The following SEC24C variants were observed in gnomAD, a reference collection of about 807,000 sequenced individuals.
The protein encoded by SEC24C is protein transport protein Sec24C.
Under a neutral mutation model 117.0 loss-of-function variants are expected in SEC24C, and 22 were observed. The ratio of observed to expected loss-of-function variants is 0.19; its 90% CI spans 0.13 to 0.27. The LOEUF (loss-of-function observed/expected upper bound fraction) is 0.27, where lower values mean the gene tolerates loss of function less well. Among genes scored for constraint, SEC24C ranks in the 10% least tolerant of loss-of-function variants. SEC24C has a pLI of 1.00. For synonymous variants in SEC24C, 506 were observed against 529.4 expected, an observed-to-expected ratio of 0.96 and a Z score of 0.61; for missense variants, 1,155 against 1,375.1, an observed-to-expected ratio of 0.84 and a Z score of 2.53.
At chr10:73,752,932 A>G (rs2082661935) in intron 3 of SEC24C, among the ~76,000 whole-genome samples, 1 of 152,232 alleles carries the variant, frequency 6.6e-6, no homozygotes, top group Non-Finnish European at 1.5e-5. Context: ...ATGAAGAAAT[A>G]GAACTTTGCC....
intron 3 of SEC24C, among the ~76,000 whole-genome samples, chr10:73,759,280 CCTTTCAGTG>C (rs1454534195): frequency 5.9e-5 from 9 of 152,138 alleles, no homozygotes; most frequent in Admixed American, 1.3e-4. Context: ...GCGTGCCTTC[CCTTTCAGTG>C]CTTTCAGGGC....
At chr10:73,749,732 C>T (rs1184313444) in intron 2 of SEC24C, among the ~76,000 whole-genome samples, 2 of 151,964 alleles carry the variant, frequency 1.3e-5, no homozygotes, top group African/African-American at 4.8e-5. Flanking sequence ...TTAGTAGAGA[C>T]AGGGTTTCAC....
At chr10:73,749,878 A>G (rs2082620499) in intron 2 of SEC24C, among the ~76,000 whole-genome samples, 1 of 152,254 alleles carries the variant, frequency 6.6e-6, no homozygotes, top group Non-Finnish European at 1.5e-5. Context: ...CTAGTACTCT[A>G]CCGATTCTCC....
At chr10:73,760,469 T>C in intron 5 of SEC24C, 83 bp downstream of exon 5, 1 of 1,461,732 alleles carries the variant, frequency 6.8e-7, no homozygotes, top group Non-Finnish European at 9.1e-7. Context: ...TTGTTTGTTT[T>C]TAGTATTACT....
chr10:73,769,803 T>A lies in SEC24C; in HGVS notation c.2683-33T>A. ...GTTTGCATTTGGGAGGGATTTCTCA[T>A]GATCATTGACTTTATTTTGATAATC... On this transcript the variant is annotated intron_variant, in intron 19 of 22. Coordinates refer to ENST00000345254, the MANE Select transcript of SEC24C (RefSeq NM_198597.3). The surrounding 1 kb of genome is among the most constrained non-coding windows in gnomAD (Gnocchi z 4.5). 6.2e-7 allele frequency: 1 copy of A among 1,612,926 alleles called. No individual in the cohort carries two copies. Among genetic ancestry groups the A allele is most frequent in the Non-Finnish European group, 8.5e-7 (1 of 1,178,914 alleles).
At chr10:73,763,660 GT>G (rs1202568057) in intron 7 of SEC24C, 59 bp downstream of exon 7, 4 of 511,844 alleles carry the variant, frequency 7.8e-6, no homozygotes, top group Admixed American at 8.0e-5. Flanking sequence ...TCAGCTTATG[GT>G]TGGGGCTTTT....
At chr10:73,766,659 G>T in intron 12 of SEC24C, 101 bp from the exon 13 acceptor site, 1 of 1,440,662 alleles carries the variant, frequency 6.9e-7, no homozygotes, top group Admixed American at 1.7e-5. Context: ...CCCAGGAGTT[G>T]TCAGATTCTA....
intron 3 of SEC24C, among the ~76,000 whole-genome samples, chr10:73,755,087 C>A (rs936690262): frequency 6.6e-6 from 1 of 151,624 alleles, no homozygotes; most frequent in Non-Finnish European, 1.5e-5. Context: ...GAGCCGAAAT[C>A]GCACCGCTGC....
At position 73,769,924 on chromosome 10, in the gene SEC24C, C is replaced by T; in HGVS notation, c.2771C>T (p.Thr924Ile). 1 of 1,614,178 alleles carries T rather than the reference C, an allele frequency of 6.2e-7. No individual in the cohort carries two copies. The change falls in exon 20 of 23, where the codon ACT (threonine) becomes ATT (isoleucine). Residue 924 changes from threonine to isoleucine, a missense_variant. Transcript: ENST00000345254. This position sits in a 1 kb window ranked among gnomAD's most constrained non-coding sequence, Gnocchi z 4.5. The stretch of plus-strand genomic sequence containing the variant: ...GTCCTGCAGCCTGGAGCTGAAGTCA[C>T]TACTGATGACCGTGCCTATGTCCGA... ...SDVLQPGAEV[T>I]TDDRAYVRQL...
chr10:73,765,455 C>T lies in SEC24C; in HGVS notation c.1232C>T (p.Ser411Leu), dbSNP rs1440486182. ...PLARLPPEEASPYVVDHGESG... is the reference protein window; with the variant it reads ...PLARLPPEEALPYVVDHGESG... ...CCCTTCCCCTTTGCGCCTTAGGCTT[C>T]ACCGTATGTTGTGGACCATGGGGAA... The change falls in exon 9 of 23, where the codon TCA becomes TTA. Residue 411 changes from serine to leucine, a missense_variant. Transcript: ENST00000345254. 5 of 1,610,376 alleles carry T rather than the reference C, an allele frequency of 3.1e-6. No individual in the cohort carries two copies. Among genetic ancestry groups the T allele is most frequent in the South Asian group, 1.1e-5 (1 of 91,020 alleles).
intron 21 of SEC24C, 21 bp downstream of exon 21, chr10:73,770,492 A>G: frequency 6.2e-7 from 1 of 1,612,182 alleles, no homozygotes; most frequent in Non-Finnish European, 8.5e-7. Flanking sequence ...GGAGTCAAGG[A>G]GAATATGGGT....
At position 73,746,829 on chromosome 10, in the gene SEC24C, C is replaced by T; in HGVS notation, c.-4C>T. The T allele has an allele frequency of 6.2e-7, 1 of 1,601,016 alleles. No individual in the cohort carries two copies. Among genetic ancestry groups the T allele is most frequent in the Non-Finnish European group, 8.5e-7 (1 of 1,172,412 alleles). On this transcript the variant is annotated 5_prime_UTR_variant, in exon 2 of 23. Transcript: ENST00000345254. ...GGTGAGATCAAATTGGGAATGCTTT[C>T]ATAATGAACGTCAACCAGTCAGTTC...
intron 3 of SEC24C, among the ~76,000 whole-genome samples, chr10:73,759,076 G>A (rs145390184): frequency 3.0e-3 from 463 of 152,228 alleles, no homozygotes; most frequent in Non-Finnish European, 4.8e-3. Flanking sequence ...TGTGACTTTC[G>A]TTTCAGCTAC....
chr10:73,760,515 A>G, intron 5 of SEC24C, 129 bp downstream of exon 5: 1 of 1,246,860 alleles, frequency 8.0e-7, no homozygotes, highest in South Asian at 1.5e-5. Flanking sequence ...GCTTCAGGGT[A>G]TTATTCCTAG....
intron 2 of SEC24C, among the ~76,000 whole-genome samples, chr10:73,750,647 C>A (rs1207895513): frequency 6.6e-6 from 1 of 152,218 alleles, no homozygotes; most frequent in African/African-American, 2.4e-5. Context: ...AAGAAGGTGG[C>A]AGAATAATCT....
Position 73,760,022 on chromosome 10 carries a change from A to G in SEC24C, c.486A>G (p.Pro162=). 1.5e-5 allele frequency: 24 copies of G among 1,577,844 alleles called. No individual in the cohort carries two copies. Among genetic ancestry groups the G allele is most frequent in the Non-Finnish European group, 2.1e-5 (24 of 1,158,228 alleles). ...APPSSGLGFG[P]PTSLASASGS... The stretch of plus-strand genomic sequence containing the variant: ...TACCTTTATTCTACTTCTCAGGCCC[A>G]CCAACATCGCTGGCTTCAGCCTCAG... The change falls in exon 5 of 23, where the codon CCA becomes CCG. Residue 162 remains proline, a synonymous_variant. Coordinates refer to ENST00000345254, the MANE Select transcript of SEC24C (RefSeq NM_198597.3).
At chr10:73,754,879 A>G (rs1239976444) in intron 3 of SEC24C, among the ~76,000 whole-genome samples, 2 of 152,188 alleles carry the variant, frequency 1.3e-5, no homozygotes, top group African/African-American at 2.4e-5. Context: ...CACTCCTGTA[A>G]TCCCAGCACT....
At chr10:73,756,385 C>T (rs1195852820) in intron 3 of SEC24C, among the ~76,000 whole-genome samples, 4 of 151,952 alleles carry the variant, frequency 2.6e-5, no homozygotes, top group Non-Finnish European at 4.4e-5. Context: ...AGTCTGCACG[C>T]TGGAAAGGGG....
At position 73,767,730 on chromosome 10, in the gene SEC24C, T is replaced by A. The variant is rs146069270; in HGVS notation, c.2011-107T>A. 1.0e-3 allele frequency: 867 copies of A among 853,482 alleles called. 3 individuals carry two copies. The African/African-American group carries it at 0.014, about 14-fold the overall frequency. 52.9% of individuals were successfully genotyped at this position (853,482 alleles called of 1,614,324 possible). A position where few individuals can be genotyped will look rare whatever the true frequency, so the allele number is the denominator to read the frequency against. On this transcript the variant is annotated intron_variant, in intron 14 of 22. Coordinates refer to ENST00000345254, the MANE Select transcript of SEC24C (RefSeq NM_198597.3). ...ATTGGAAAATCCTTGGAAGTAGATCTGAAGTCTTCCATGAATTTGAATATC... is the reference window on the plus strand; with the variant it reads ...ATTGGAAAATCCTTGGAAGTAGATCAGAAGTCTTCCATGAATTTGAATATC...
Sources: gnomAD v4.1 joint callset for allele counts (sites outside exome capture counted in the v4.1 genomes callset) on GRCh38, gnomAD v4.1.1 for gene constraint, Gnocchi (gnomAD v3.1) non-coding constraint, MANE v1.5 for transcripts, NCBI Gene and HGNC (gene_info 2026-07-23, HGNC 2026-07-21) for gene names.